Variants in GABRB2 observed in about 807,000 individuals in gnomAD.
GABRB2 encodes the protein gamma-aminobutyric acid receptor subunit beta-2.
Under a neutral mutation model 54.7 loss-of-function variants are expected in GABRB2, and 16 were observed. The ratio of observed to expected loss-of-function variants is 0.29; its 90% CI spans 0.20 to 0.44. GABRB2 has a LOEUF of 0.44. Ranked by LOEUF, GABRB2 falls within the 20% of genes least tolerant of loss-of-function variation. GABRB2 has a pLI of 1.00. For missense variants in GABRB2, 355 were observed against 644.0 expected, an observed-to-expected ratio of 0.55 and a Z score of 4.86; for synonymous variants, 244 against 233.8, an observed-to-expected ratio of 1.04 and a Z score of -0.40.
At chr5:161,325,032 G>T (rs1007465923) in intron 9 of GABRB2, among the ~76,000 whole-genome samples, 50 of 152,058 alleles carry the variant, frequency 3.3e-4, no homozygotes, top group Middle Eastern at 3.4e-3. Context: ...TTTTCATGTG[G>T]TTTTACCCAG....
At chr5:161,540,676 G>T (rs182610993) in intron 3 of GABRB2, among the ~76,000 whole-genome samples, 28 of 152,192 alleles carry the variant, frequency 1.8e-4, no homozygotes, top group African/African-American at 6.7e-4. Context: ...AGTCAAAATT[G>T]CTCCTTGATT....
chr5:161,509,656 C>T (rs1224850265), intron 3 of GABRB2, among the ~76,000 whole-genome samples: 1 of 151,934 alleles, frequency 6.6e-6, no homozygotes, highest in South Asian at 2.1e-4. Flanking sequence ...CTTCACATCA[C>T]CACCTTCAAG....
At chr5:161,540,258 G>A (rs1005164359) in intron 3 of GABRB2, among the ~76,000 whole-genome samples, 6 of 152,140 alleles carry the variant, frequency 3.9e-5, no homozygotes, top group African/African-American at 1.2e-4. Flanking sequence ...TGTTCACAGC[G>A]TCTTCACCAA....
chr5:161,496,509 GAAA>G (rs1443212328), intron 3 of GABRB2, among the ~76,000 whole-genome samples: 1 of 144,876 alleles, frequency 6.9e-6, no homozygotes, highest in Non-Finnish European at 1.5e-5. Context: ...AGAGAAAAAA[GAAA>G]AAAGAATCCA....
chr5:161,543,048 T>C lies in GABRB2; in HGVS notation c.237+2179A>G, dbSNP rs146842960. On this transcript the variant is annotated intron_variant, in intron 3 of 9. Coordinates refer to ENST00000393959, the MANE Select transcript of GABRB2 (RefSeq NM_001371727.1). ...GTTAATTTTTCAACAAGTGACAATC[T>C]AGCTGGACAAATCCATGGGTGTAGC... 7.0e-3 allele frequency among the ~76,000 whole-genome samples: 1,065 copies of C among 152,366 alleles called. 9 individuals carry two copies. Among genetic ancestry groups the C allele is most frequent in the Middle Eastern group, 0.02 (6 of 294 alleles).
chr5:161,399,017 G>C (rs1427026873), intron 5 of GABRB2, among the ~76,000 whole-genome samples: 1 of 152,160 alleles, frequency 6.6e-6, no homozygotes, highest in Admixed American at 6.6e-5. Flanking sequence ...TGACTGAGAA[G>C]ATGATTCTCT....
At chr5:161,394,527 C>T (rs1166974140) in intron 5 of GABRB2, among the ~76,000 whole-genome samples, 1 of 151,876 alleles carries the variant, frequency 6.6e-6, no homozygotes, top group Non-Finnish European at 1.5e-5. Flanking sequence ...GCCACAGACA[C>T]TATAGACATT....
At chr5:161,392,923 T>G (rs917318512) in intron 5 of GABRB2, among the ~76,000 whole-genome samples, 1 of 152,130 alleles carries the variant, frequency 6.6e-6, no homozygotes, top group African/African-American at 2.4e-5. Context: ...TGTATATTAT[T>G]CAAACTTTTT....
At chr5:161,516,910 C>A (rs114807005) in intron 3 of GABRB2, among the ~76,000 whole-genome samples, 1 of 151,992 alleles carries the variant, frequency 6.6e-6, no homozygotes, top group Non-Finnish European at 1.5e-5. Flanking sequence ...AGTTCCCAAC[C>A]CTTCAGATGT....
At chr5:161,307,862 T>G (rs1561601658) in intron 9 of GABRB2, among the ~76,000 whole-genome samples, 2 of 141,136 alleles carry the variant, frequency 1.4e-5, no homozygotes, top group African/African-American at 5.4e-5. Flanking sequence ...TAAGACTAAT[T>G]CTTTTTTTTT....
chr5:161,327,949 A>G (rs1404926665), intron 8 of GABRB2, among the ~76,000 whole-genome samples: 3 of 152,180 alleles, frequency 2.0e-5, no homozygotes, highest in Non-Finnish European at 2.9e-5. Context: ...AAAGGACAGC[A>G]CCGCATAATC....
chr5:161,518,826 T>C (rs777400297), intron 3 of GABRB2, among the ~76,000 whole-genome samples: 1 of 152,342 alleles, frequency 6.6e-6, no homozygotes, highest in South Asian at 2.1e-4. Flanking sequence ...CAAACTGCAA[T>C]TTATAAATTA....
chr5:161,438,958 G>A (rs1327953667), intron 4 of GABRB2, among the ~76,000 whole-genome samples: 2 of 152,242 alleles, frequency 1.3e-5, no homozygotes, highest in East Asian at 1.9e-4. Flanking sequence ...TTAAAGAGGA[G>A]GTAGAGAGAT....
At chr5:161,453,697 A>G (rs1757860262) in intron 4 of GABRB2, among the ~76,000 whole-genome samples, 1 of 152,132 alleles carries the variant, frequency 6.6e-6, no homozygotes, top group Non-Finnish European at 1.5e-5. Flanking sequence ...AAGACTTTCA[A>G]TATTCTTTGG....
At chr5:161,371,114 A>G (rs1448838354) in intron 5 of GABRB2, among the ~76,000 whole-genome samples, 3 of 152,020 alleles carry the variant, frequency 2.0e-5, no homozygotes. Flanking sequence ...CTTGCCTCCA[A>G]CCCCCTCTCT....
At chr5:161,434,295 C>T (rs1296778882) in intron 4 of GABRB2, among the ~76,000 whole-genome samples, 1 of 152,014 alleles carries the variant, frequency 6.6e-6, no homozygotes, top group Non-Finnish European at 1.5e-5. Flanking sequence ...TAGTCAAGAC[C>T]TAAGAACTCA....
chr5:161,450,156 G>A (rs1757750589), intron 4 of GABRB2, among the ~76,000 whole-genome samples: 1 of 151,920 alleles, frequency 6.6e-6, no homozygotes, highest in Non-Finnish European at 1.5e-5. Context: ...AAAACCTCTG[G>A]AGTCTCCAGC....
At chr5:161,547,294 C>T (rs1244068035), upstream of GABRB2, among the ~76,000 whole-genome samples, 1 of 95,120 alleles carries the variant, frequency 1.1e-5, no homozygotes, top group African/African-American at 4.6e-5. Context: ...GGGAGGAATG[C>T]TGAGCAACCC....
intron 3 of GABRB2, among the ~76,000 whole-genome samples, chr5:161,514,581 G>A (rs994064689): frequency 2.6e-5 from 4 of 151,170 alleles, no homozygotes; most frequent in African/African-American, 9.7e-5. Flanking sequence ...ATATATACGT[G>A]TGTGTGTGTG....
Sources: allele counts gnomAD v4.1 joint callset (sites outside exome capture counted in the v4.1 genomes callset), GRCh38; gene constraint gnomAD v4.1.1; transcripts MANE v1.5; gene names NCBI Gene and HGNC (gene_info 2026-07-23, HGNC 2026-07-21).